Variants in UNC13C observed in about 807,000 individuals in gnomAD.
UNC13C encodes protein unc-13 homolog C.
A neutral mutation model predicts 245.4 loss-of-function variants in UNC13C; 174 were observed. The ratio of observed to expected loss-of-function variants is 0.71; its 90% CI spans 0.63 to 0.80. The LOEUF (loss-of-function observed/expected upper bound fraction) is 0.80, where lower values mean the gene tolerates loss of function less well. Ranked by LOEUF, UNC13C falls within the 30% of genes least tolerant of loss-of-function variation. The pLI is 0.00. For synonymous variants in UNC13C, 992 were observed against 895.1 expected (o/e 1.11, Z -1.93); for missense variants, 2,829 against 2,602.9 (o/e 1.09, Z -1.89).
At chr15:54,257,867 T>A (rs1248498282) in intron 8 of UNC13C, among the ~76,000 whole-genome samples, 2 of 152,180 alleles carry the variant, frequency 1.3e-5, no homozygotes, top group Admixed American at 1.3e-4. Flanking sequence ...TCGTATTATC[T>A]TGGATATAAA....
intron 1 of UNC13C, among the ~76,000 whole-genome samples, chr15:53,995,359 C>T (rs1237805428): frequency 2.0e-5 from 3 of 151,968 alleles, no homozygotes; most frequent in Non-Finnish European, 4.4e-5. Flanking sequence ...CTCATTAGCC[C>T]CAGTCTTCAA....
chr15:54,244,078 C>A (rs1465003709), intron 7 of UNC13C, among the ~76,000 whole-genome samples: 1 of 152,088 alleles, frequency 6.6e-6, no homozygotes, highest in African/African-American at 2.4e-5. Flanking sequence ...ATGGTACTGC[C>A]TAGATTTTCT....
chr15:54,309,129 A>T (rs2037801870), intron 13 of UNC13C, among the ~76,000 whole-genome samples: 1 of 151,874 alleles, frequency 6.6e-6, no homozygotes, highest in Non-Finnish European at 1.5e-5. Flanking sequence ...TCAACAGTGT[A>T]CGAGATTCTG....
chr15:54,408,897 G>A (rs1442301556), intron 18 of UNC13C, among the ~76,000 whole-genome samples: 1 of 152,140 alleles, frequency 6.6e-6, no homozygotes, highest in Non-Finnish European at 1.5e-5. Context: ...AATTGAAAGA[G>A]ATCTGCCTTG....
chr15:53,886,963 A>C, the UNC13C span, among the ~76,000 whole-genome samples: 1 of 152,136 alleles, frequency 6.6e-6, no homozygotes, highest in Non-Finnish European at 1.5e-5. Context: ...AACAAGGAAA[A>C]ACTGAGAAAC....
chr15:54,329,406 T>C (rs1342346901), intron 14 of UNC13C, among the ~76,000 whole-genome samples: 2 of 151,898 alleles, frequency 1.3e-5, no homozygotes, highest in Non-Finnish European at 1.5e-5. Flanking sequence ...TTGAACCTAT[T>C]ATAGTATTTA....
chr15:54,202,044 A>C (rs1291722546), intron 4 of UNC13C, among the ~76,000 whole-genome samples: 1 of 151,506 alleles, frequency 6.6e-6, no homozygotes, highest in Non-Finnish European at 1.5e-5. Context: ...AATCAAATCA[A>C]GAACTCAACC....
chr15:54,455,068 A>G (rs754639399), intron 19 of UNC13C, among the ~76,000 whole-genome samples: 8 of 149,164 alleles, frequency 5.4e-5, no homozygotes, highest in Non-Finnish European at 1.0e-4. Flanking sequence ...TTGGTTTTCC[A>G]TTCCTGAGTT....
intron 1 of UNC13C, among the ~76,000 whole-genome samples, chr15:53,999,351 T>A (rs775179064): frequency 1.3e-5 from 2 of 151,820 alleles, no homozygotes; most frequent in African/African-American, 4.8e-5. Flanking sequence ...TTCCTTAGTT[T>A]TTATAATATG....
At chr15:54,104,015 T>A (rs1900304361) in intron 2 of UNC13C, among the ~76,000 whole-genome samples, 1 of 152,240 alleles carries the variant, frequency 6.6e-6, no homozygotes, top group Non-Finnish European at 1.5e-5. Context: ...AGTGCTGGGA[T>A]TACAGGCGTG....
At chr15:54,381,433 C>T (rs1321939387) in intron 17 of UNC13C, among the ~76,000 whole-genome samples, 1 of 151,916 alleles carries the variant, frequency 6.6e-6, no homozygotes, top group African/African-American at 2.4e-5. Flanking sequence ...TTTGGTTATA[C>T]AGGATCTGTG....
At chr15:53,939,272 C>T in the UNC13C span, among the ~76,000 whole-genome samples, 1 of 152,166 alleles carries the variant, frequency 6.6e-6, no homozygotes, top group South Asian at 2.1e-4. Context: ...CGTACACCGT[C>T]TCAAGACTGA....
At chr15:54,116,044 CATTTTA>C (rs772659450) in intron 2 of UNC13C, among the ~76,000 whole-genome samples, 93 of 152,078 alleles carry the variant, frequency 6.1e-4, no homozygotes, top group Non-Finnish European at 9.4e-4. Context: ...CCATCCACAT[CATTTTA>C]ATTATATAGT....
intron 19 of UNC13C, among the ~76,000 whole-genome samples, chr15:54,427,093 A>G: frequency 6.6e-6 from 1 of 151,922 alleles, no homozygotes; most frequent in Non-Finnish European, 1.5e-5. Flanking sequence ...ACATTTTACA[A>G]ATACCAGAGG....
At chr15:54,374,152 G>T (rs1247754682) in intron 17 of UNC13C, among the ~76,000 whole-genome samples, 4 of 152,170 alleles carry the variant, frequency 2.6e-5, no homozygotes, top group African/African-American at 9.7e-5. Context: ...TCAAAAGGAG[G>T]AAGTGTGTTC....
At chr15:54,484,182 A>G (rs1246000074) in intron 19 of UNC13C, among the ~76,000 whole-genome samples, 1 of 152,186 alleles carries the variant, frequency 6.6e-6, no homozygotes, top group African/African-American at 2.4e-5. Context: ...GGAAGAGATG[A>G]ACAGCAAGAG....
intron 30 of UNC13C, among the ~76,000 whole-genome samples, chr15:54,605,317 G>A (rs1027739192): frequency 6.6e-6 from 1 of 152,180 alleles, no homozygotes; most frequent in African/African-American, 2.4e-5. Flanking sequence ...AGCACTCTGA[G>A]CCAATCCCCA....
the UNC13C span, among the ~76,000 whole-genome samples, chr15:53,849,931 G>C: frequency 6.6e-6 from 1 of 152,142 alleles, no homozygotes; most frequent in African/African-American, 2.4e-5. Context: ...ATTAAACAAT[G>C]AATAAAGCAT....
chr15:54,505,396 A>C (rs1326885795), intron 22 of UNC13C, among the ~76,000 whole-genome samples: 1 of 152,202 alleles, frequency 6.6e-6, no homozygotes, highest in Non-Finnish European at 1.5e-5. Flanking sequence ...GTTAAAACCC[A>C]GACAGCTGGA....
Sources: allele counts gnomAD v4.1 joint callset (sites outside exome capture counted in the v4.1 genomes callset), GRCh38; gene constraint gnomAD v4.1.1; transcripts MANE v1.5; gene names NCBI Gene and HGNC (gene_info 2026-07-23, HGNC 2026-07-21).